SP3: variants seen among roughly 807,000 people sequenced by gnomAD.
SP3 encodes Sp3 transcription factor.
In SP3, 10 loss-of-function variants were observed where a neutral mutation model predicts 70.3. That is an observed-to-expected ratio of 0.14 (90% CI 0.09 to 0.24). SP3 has a LOEUF of 0.24. SP3 is among the 10% of genes least tolerant of loss of function. The pLI, the probability that SP3 is intolerant of heterozygous loss-of-function variation, is 1.00. For synonymous variants in SP3, 402 were observed against 333.5 expected (o/e 1.21, Z -2.24); for missense variants, 825 against 914.6 (o/e 0.90, Z 1.26).
chr2:173,956,384 C>T lies in SP3; in HGVS notation c.280-152G>A. On this transcript the variant is annotated intron_variant, in intron 3 of 6. Coordinates refer to ENST00000310015, the MANE Select transcript of SP3 (RefSeq NM_003111.5). ...AAATACAGGAGCAGTACTATATGAACTACAATAATTATCACTTCCAGTTTT... is the reference window on the plus strand; with the variant it reads ...AAATACAGGAGCAGTACTATATGAATTACAATAATTATCACTTCCAGTTTT... 6 of 730,048 alleles carry T rather than the reference C, an allele frequency of 8.2e-6. No homozygotes were observed. In the South Asian group the frequency reaches 1.4e-4, roughly 18 times the overall value. The allele number at this position is 730,048 out of a possible 1,614,324, so 45.2% of individuals were successfully genotyped here. A position where few individuals can be genotyped will look rare whatever the true frequency, so the allele number is the denominator to read the frequency against.
intron 3 of SP3, among the ~76,000 whole-genome samples, chr2:173,960,433 C>G (rs751391545): frequency 1.2e-4 from 18 of 152,154 alleles, no homozygotes; most frequent in Non-Finnish European, 1.9e-4. Flanking sequence ...AAATTAAGAA[C>G]TTAGGCAAAT....
Position 173,964,543 on chromosome 2 carries a change from CT to C in SP3, c.17del (p.Lys6SerfsTer3). 2.1e-6 allele frequency: 1 copy of C among 468,640 alleles called. No individual in the cohort carries two copies. Among genetic ancestry groups the C allele is most frequent in the African/African-American group, 2.2e-5 (1 of 45,176 alleles). 29.0% of individuals were successfully genotyped at this position (468,640 alleles called of 1,614,324 possible). On this transcript the variant is annotated frameshift_variant, in exon 2 of 7. Coordinates refer to ENST00000310015, the MANE Select transcript of SP3 (RefSeq NM_003111.5). LOFTEE classifies it high-confidence loss of function. MTAPE[K>X]PVKQEEMAAL... ...CAGCCATTTCCTCTTGTTTCACGGG[CT>C]TTTCGGGAGCTGCAGGCACAGCGCG...
At chr2:173,961,473 A>G (rs1390606774) in intron 3 of SP3, among the ~76,000 whole-genome samples, 2 of 152,230 alleles carry the variant, frequency 1.3e-5, no homozygotes, top group African/African-American at 4.8e-5. Flanking sequence ...GGATCCCAGA[A>G]GAGAAAATGG....
intron 1 of SP3, chr2:173,964,759 TCCTCCTCCTCTTTC>T (rs1247231189): frequency 7.5e-6 from 3 of 401,794 alleles, no homozygotes; most frequent in Admixed American, 5.3e-5. Context: ...GTAACCCTCC[TCCTCCTCCTCTTTC>T]CCTCCTCCTC....
At chr2:173,921,169 T>C (rs1689741359) in intron 4 of SP3, among the ~76,000 whole-genome samples, 1 of 152,210 alleles carries the variant, frequency 6.6e-6, no homozygotes. Context: ...TTATAGGTGA[T>C]TACTTAGGAA....
intron 4 of SP3, among the ~76,000 whole-genome samples, chr2:173,923,717 C>T (rs1407241262): frequency 6.6e-6 from 1 of 151,870 alleles, no homozygotes; most frequent in African/African-American, 2.4e-5. Flanking sequence ...TCTCTGCCTT[C>T]AACTTTTTTA....
Position 173,902,030 on chromosome 2 carries a change from T to C in SP3, c.*7911A>G. Reference sequence around the variant, plus strand: ...TTCAACTCAAGAGAGTGGTCTACTATGTGAGAAGACCCCTACAGTGAGAGA... The same window carrying C: ...TTCAACTCAAGAGAGTGGTCTACTACGTGAGAAGACCCCTACAGTGAGAGA... On this transcript the variant is annotated 3_prime_UTR_variant, in exon 7 of 7. Transcript: ENST00000310015. Among the ~76,000 whole-genome samples the C allele has an allele frequency of 6.6e-6, 1 of 152,152 alleles. No homozygotes were observed. Among genetic ancestry groups the C allele is most frequent in the East Asian group, 1.9e-4 (1 of 5,192 alleles).
chr2:173,942,561 A>G (rs568062930), intron 4 of SP3, among the ~76,000 whole-genome samples: 2 of 152,282 alleles, frequency 1.3e-5, no homozygotes, highest in Admixed American at 1.3e-4. Context: ...AAAAGAAACT[A>G]TGACCTGAAT....
chr2:173,965,160 C>T lies in SP3; in HGVS notation c.7+5G>A. On this transcript the variant is annotated splice_donor_5th_base_variant and intron_variant, in intron 1 of 6. Coordinates refer to ENST00000310015, the MANE Select transcript of SP3 (RefSeq NM_003111.5). ...AGCAAGGGTTGCTCTCTCGGCTTTACGTACCGGTCATAGTGTGTTTAGGGC... is the reference window on the plus strand; with the variant it reads ...AGCAAGGGTTGCTCTCTCGGCTTTATGTACCGGTCATAGTGTGTTTAGGGC... 6.5e-7 allele frequency: 1 copy of T among 1,547,998 alleles called. No individual in the cohort carries two copies. The highest frequency in any genetic ancestry group is 8.7e-7 in the Non-Finnish European group (1 of 1,146,034).
intron 1 of SP3, 105 bp from the exon 2 acceptor site, chr2:173,964,658 G>C (rs1574432305): frequency 6.5e-6 from 3 of 459,894 alleles, no homozygotes; most frequent in Non-Finnish European, 1.2e-5. Context: ...CCGGACCCAG[G>C]CCCCTTCCCC....
At position 173,908,627 on chromosome 2, in the gene SP3, G is replaced by C. The variant is rs1447797602; in HGVS notation, c.*1314C>G. The C allele has an allele frequency of 6.6e-6, 1 of 152,346 alleles. No individual in the cohort carries two copies. Among genetic ancestry groups the C allele is most frequent in the Admixed American group, 6.6e-5 (1 of 15,248 alleles). 9.4% of individuals were successfully genotyped at this position (152,346 alleles called of 1,614,324 possible). A position where few individuals can be genotyped will look rare whatever the true frequency, so the allele number is the denominator to read the frequency against. On this transcript the variant is annotated 3_prime_UTR_variant, in exon 7 of 7. Transcript: ENST00000310015. ...GCCTTTAAATTTGAGGTGGTCTTAA[G>C]AATAACAAATGAACAGAATTCCAAA...
At chr2:173,935,949 A>G (rs969821926) in intron 4 of SP3, among the ~76,000 whole-genome samples, 2 of 150,508 alleles carry the variant, frequency 1.3e-5, no homozygotes, top group African/African-American at 4.8e-5. Flanking sequence ...TAAAATTCAT[A>G]CTTTGAAATG....
chr2:173,923,920 T>A (rs979035762), intron 4 of SP3, among the ~76,000 whole-genome samples: 1 of 152,100 alleles, frequency 6.6e-6, no homozygotes, highest in South Asian at 2.1e-4. Flanking sequence ...CAGATTCCTA[T>A]GGATATTTCA....
rs1278460447 is a variant in SP3, at chr2:173,903,280, A to G, written c.*6661T>C. ...ACTTATTTATCTCCATAATCACTCTATGAAGATGACGCTAGCATCATTCTC... is the reference window on the plus strand; with the variant it reads ...ACTTATTTATCTCCATAATCACTCTGTGAAGATGACGCTAGCATCATTCTC... On this transcript the variant is annotated 3_prime_UTR_variant, in exon 7 of 7. Transcript: ENST00000310015. 2.0e-5 allele frequency among the ~76,000 whole-genome samples: 3 copies of G among 152,242 alleles called. No individual in the cohort carries two copies. Among genetic ancestry groups the G allele is most frequent in the African/African-American group, 7.2e-5 (3 of 41,464 alleles).
chr2:173,946,262 T>C (rs1371905085), intron 4 of SP3, among the ~76,000 whole-genome samples: 3 of 152,170 alleles, frequency 2.0e-5, no homozygotes, highest in Non-Finnish European at 4.4e-5. Context: ...CATTATATAT[T>C]GTTTTTGTGT....
chr2:173,918,933 T>A, intron 4 of SP3, 148 bp from the exon 5 acceptor site: 2 of 640,466 alleles, frequency 3.1e-6, no homozygotes, highest in Non-Finnish European at 5.2e-6. Flanking sequence ...TTGTTCCTCA[T>A]CTAACTAACC....
chr2:173,949,628 CTCTT>C (rs1418366471), intron 4 of SP3, among the ~76,000 whole-genome samples: 2 of 152,256 alleles, frequency 1.3e-5, no homozygotes, highest in Non-Finnish European at 2.9e-5. Flanking sequence ...AGATCCATCC[CTCTT>C]TCGCCTGTCA....
At position 173,908,927 on chromosome 2, in the gene SP3, T is replaced by TA. The variant is rs1393318787; in HGVS notation, c.*1013dup. 6.6e-6 allele frequency: 1 copy of TA among 152,188 alleles called. No homozygotes were observed. Among genetic ancestry groups the TA allele is most frequent in the Non-Finnish European group, 1.5e-5 (1 of 67,850 alleles). 9.4% of individuals were successfully genotyped at this position (152,188 alleles called of 1,614,324 possible). On this transcript the variant is annotated 3_prime_UTR_variant, in exon 7 of 7. Coordinates refer to ENST00000310015, the MANE Select transcript of SP3 (RefSeq NM_003111.5). ...TACCTAGACAAAAAAAAAAAAGACT[T>TA]AAAAAAATATCATAAAACCTCTAGT...
chr2:173,914,326 A>G (rs951408844), intron 5 of SP3: 35 of 151,948 alleles, frequency 2.3e-4, no homozygotes, highest in African/African-American at 7.7e-4. Flanking sequence ...TCCTCCCCCA[A>G]TCTCACAGTT....
Sources: gnomAD v4.1 joint callset for allele counts (sites outside exome capture counted in the v4.1 genomes callset) on GRCh38, gnomAD v4.1.1 for gene constraint, MANE v1.5 for transcripts, NCBI Gene and HGNC (gene_info 2026-07-23, HGNC 2026-07-21) for gene names.